SPATA46: variants seen among roughly 807,000 people sequenced by gnomAD.
SPATA46 encodes the protein spermatogenesis associated 46, also known as spermatogenesis-associated protein 46.
A neutral mutation model predicts 6.2 loss-of-function variants in SPATA46; 3 were observed. The observed-to-expected ratio is 0.48, with a 90% CI of 0.22 to 1.25. SPATA46 has a LOEUF of 1.25. SPATA46 is among the 50% of genes most tolerant of loss of function. The pLI is 0.20. For synonymous variants in SPATA46, 117 were observed against 123.3 expected, an observed-to-expected ratio of 0.95 and a Z score of 0.34; for missense variants, 308 against 323.5, an observed-to-expected ratio of 0.95 and a Z score of 0.37.
chr1:162,373,495 A>G lies in SPATA46; in HGVS notation c.*553T>C, dbSNP rs568315347. 2 of 152,358 alleles carry G rather than the reference A, an allele frequency of 1.3e-5. No individual in the cohort carries two copies. Among genetic ancestry groups the G allele is most frequent in the East Asian group, 3.9e-4 (2 of 5,178 alleles). The allele number at this position is 152,358 out of a possible 1,614,324, so 9.4% of individuals were successfully genotyped here. ...CTCAGTCCCGGGTGAGCTCAGCCCC[A>G]TCTGCCTCTTACCTGCCTTATACTC... On this transcript the variant is annotated 3_prime_UTR_variant, in exon 3 of 3. Transcript: ENST00000367935.
chr1:162,374,861 GT>G (rs1343956948), intron 2 of SPATA46, among the ~76,000 whole-genome samples: 1 of 152,166 alleles, frequency 6.6e-6, no homozygotes, highest in Non-Finnish European at 1.5e-5. Context: ...GCTGCTTTTA[GT>G]TGGTAAGCCT....
chr1:162,375,833 G>A (rs931247160), intron 1 of SPATA46, among the ~76,000 whole-genome samples: 1 of 152,136 alleles, frequency 6.6e-6, no homozygotes, highest in African/African-American at 2.4e-5. Context: ...CCACAGTCAG[G>A]GTTCCCGTGG....
chr1:162,376,577 A>T, intron 1 of SPATA46, 111 bp downstream of exon 1: 1 of 1,038,838 alleles, frequency 9.6e-7, no homozygotes, highest in South Asian at 1.6e-5. Context: ...CCCCATGCGT[A>T]ATTTGACTTT....
intron 2 of SPATA46, among the ~76,000 whole-genome samples, chr1:162,374,918 G>C (rs536787634): frequency 6.6e-6 from 1 of 152,278 alleles, no homozygotes; most frequent in African/African-American, 2.4e-5. Context: ...CATGTCCACT[G>C]ACTCCTCTAA....
rs1173866712 is a variant in SPATA46 at position 162,374,512 on chromosome 1, C to T, written c.322G>A (p.Glu108Lys). 10 of 1,614,120 alleles carry T rather than the reference C, an allele frequency of 6.2e-6. No individual in the cohort carries two copies. The African/African-American group carries it at 1.1e-4, about 17-fold the overall frequency. ...AAGTCATAGGCCTCCAGCTGGCTCT[C>T]TTTGTCTGCACACACGAAGTAGCTG... is the stretch of plus-strand genomic sequence containing the variant. Reference protein sequence around the residue: ...PYSYFVCADKESQLEAYDFPE... With the variant: ...PYSYFVCADKKSQLEAYDFPE... Residue 108 changes from glutamate to lysine, a missense_variant, in exon 3 of 3, where the codon GAG becomes AAG. Glu to Lys is a moderately conservative substitution (Grantham distance 56, BLOSUM62 1). Transcript: ENST00000367935.
chr1:162,375,265 C>T (rs768256696), intron 2 of SPATA46, 25 bp downstream of exon 2: 49 of 1,576,564 alleles, frequency 3.1e-5, no homozygotes, highest in East Asian at 2.5e-4. Context: ...CACACATTCC[C>T]GCCCAGAGTC....
chr1:162,376,487 C>A, intron 1 of SPATA46: 2 of 538,826 alleles, frequency 3.7e-6, no homozygotes, highest in East Asian at 3.3e-5. Flanking sequence ...AAAAAGTTTT[C>A]CCCTTTCTTC....
intron 2 of SPATA46, among the ~76,000 whole-genome samples, chr1:162,374,986 C>T (rs115763499): frequency 2.4e-3 from 373 of 152,292 alleles, no homozygotes; most frequent in Non-Finnish European, 4.7e-3. Context: ...CCCACAGTCC[C>T]TCTTTTCGCC....
rs1034587256 is a variant in SPATA46, at chr1:162,373,473, A to G, written c.*575T>C. The G allele has an allele frequency of 6.6e-6, 1 of 152,208 alleles. No homozygotes were observed. Among genetic ancestry groups the G allele is most frequent in the Non-Finnish European group, 1.5e-5 (1 of 68,068 alleles). The allele number at this position is 152,208 out of a possible 1,614,324, so 9.4% of individuals were successfully genotyped here. On this transcript the variant is annotated 3_prime_UTR_variant, in exon 3 of 3. Transcript: ENST00000367935. ...GAATGATGGTAGTGCCTGAGAGCTC[A>G]GTCCCGGGTGAGCTCAGCCCCATCT...
chr1:162,375,428 G>A lies in SPATA46; in HGVS notation c.104-25C>T, dbSNP rs190242016. 3,203 of 1,600,006 alleles carry A rather than the reference G, an allele frequency of 2.0e-3. 4 individuals are homozygous for A. The highest frequency in any genetic ancestry group is 2.6e-3 in the Non-Finnish European group (2,994 of 1,167,244). The stretch of plus-strand genomic sequence containing the variant: ...TCTGGGTTATAGAAGAAACACTGGT[G>A]AGCTGAGCAAGGTTGGGATTCCACT... On this transcript the variant is annotated intron_variant, in intron 1 of 2. Transcript: ENST00000367935.
At chr1:162,375,840 G>A (rs889623005) in intron 1 of SPATA46, among the ~76,000 whole-genome samples, 7 of 152,192 alleles carry the variant, frequency 4.6e-5, no homozygotes, top group African/African-American at 1.4e-4. Flanking sequence ...CAGGGTTCCC[G>A]TGGGCCATCA....
rs1647549226 is a variant in SPATA46 at position 162,374,356 on chromosome 1, C to T, written c.478G>A (p.Gly160Ser). 2 of 1,614,200 alleles carry T rather than the reference C, an allele frequency of 1.2e-6. No homozygotes were observed. The highest frequency in any genetic ancestry group is 3.3e-4 in the Middle Eastern group (2 of 6,062). The change falls in exon 3 of 3, where the codon GGC (glycine) becomes AGC (serine). Residue 160 changes from glycine (G) to serine (S), a missense_variant. Coordinates refer to ENST00000367935, the MANE Select transcript of SPATA46 (RefSeq NM_182581.4). The stretch of plus-strand genomic sequence containing the variant: ...TCCTGGGATGTGATGGAGTCCAGGC[C>T]ATGCCTGGATTTCTTGGTGGCTTCT... Reference protein sequence around the residue: ...PREATKKSRHGLDSITSQDIL... With the variant: ...PREATKKSRHSLDSITSQDIL...
intron 2 of SPATA46, 110 bp downstream of exon 2, chr1:162,375,180 G>T: frequency 1.1e-6 from 1 of 917,884 alleles, no homozygotes; most frequent in Non-Finnish European, 1.7e-6. Context: ...CAGGTGACAA[G>T]ACCGCGCATG....
At chr1:162,376,608 TA>T in intron 1 of SPATA46, 79 bp downstream of exon 1, 1 of 1,317,554 alleles carries the variant, frequency 7.6e-7, no homozygotes, top group Non-Finnish European at 1.1e-6. Context: ...CATGGTCCTG[TA>T]ACATGATCTG....
At chr1:162,374,866 T>C (rs537451675) in intron 2 of SPATA46, among the ~76,000 whole-genome samples, 1 of 152,292 alleles carries the variant, frequency 6.6e-6, no homozygotes, top group African/African-American at 2.4e-5. Context: ...TTTTAGTTGG[T>C]AAGCCTTGGT....
chr1:162,376,811 A>G lies in SPATA46; in HGVS notation c.-21T>C. 6.2e-7 allele frequency: 1 copy of G among 1,612,448 alleles called. No individual in the cohort carries two copies. On this transcript the variant is annotated 5_prime_UTR_variant, in exon 1 of 3. Coordinates refer to ENST00000367935, the MANE Select transcript of SPATA46 (RefSeq NM_182581.4). Reference sequence around the variant, plus strand: ...TCCATATTCTGACCACTGCGGGGGTACAGAGATCACACGCCTGCTCTGGAG... The same window carrying G: ...TCCATATTCTGACCACTGCGGGGGTGCAGAGATCACACGCCTGCTCTGGAG...
At chr1:162,375,483 G>GAGT in intron 1 of SPATA46, 80 bp from the exon 2 acceptor site, 3 of 1,108,440 alleles carry the variant, frequency 2.7e-6, no homozygotes, top group Non-Finnish European at 4.1e-6. Context: ...ATACCTAGGG[G>GAGT]CTCAACCTCT....
Position 162,374,383 on chromosome 1 carries a change from G to T in SPATA46, c.451C>A (p.Arg151=). 1 of 1,614,192 alleles carries T rather than the reference G, an allele frequency of 6.2e-7. No individual in the cohort carries two copies. ...SSSSPENTCP[R]EATKKSRHGL... is the part of the protein sequence containing the mutation. The stretch of plus-strand genomic sequence containing the variant: ...TGCCTGGATTTCTTGGTGGCTTCTC[G>T]AGGGCAAGTGTTCTCTGGGGAGGAA... Residue 151 remains arginine (R), a synonymous_variant, in exon 3 of 3, where the codon CGA becomes AGA. Transcript: ENST00000367935.
rs778557983 is a variant in SPATA46, at chr1:162,374,088, T to C, written c.746A>G (p.His249Arg). The C allele has an allele frequency of 7.4e-6, 12 of 1,612,796 alleles. No individual in the cohort carries two copies. Among genetic ancestry groups the C allele is most frequent in the Non-Finnish European group, 1.0e-5 (12 of 1,179,446 alleles). Residue 249 changes from histidine to arginine, a missense_variant, in exon 3 of 3, where the codon CAC (histidine) becomes CGC (arginine). His to Arg is a conservative substitution (Grantham distance 29). Coordinates refer to ENST00000367935, the MANE Select transcript of SPATA46 (RefSeq NM_182581.4). ...GGCTTCACCGCCAATTTGCCTAAGG[T>C]GTTCAGCAGGACTATTGAAGGCCTG... ...SCQAFNSPAE[H>R]LRQIGGEAYL...
Sources: gnomAD v4.1 joint callset for allele counts (sites outside exome capture counted in the v4.1 genomes callset) on GRCh38, gnomAD v4.1.1 for gene constraint, MANE v1.5 for transcripts, NCBI Gene and HGNC (gene_info 2026-07-23, HGNC 2026-07-21) for gene names.